Variants in KIF21B observed in about 807,000 individuals in gnomAD.
The protein encoded by KIF21B is kinesin-like protein KIF21B.
A neutral mutation model predicts 192.9 loss-of-function variants in KIF21B; 85 were observed. The observed-to-expected ratio is 0.44, with a 90% CI of 0.37 to 0.53. The LOEUF is 0.53. Ranked by LOEUF, KIF21B falls within the 20% of genes least tolerant of loss-of-function variation. The pLI is 0.00. For missense variants in KIF21B, 1,716 were observed against 2,194.8 expected (o/e 0.78, Z 4.36); for synonymous variants, 832 against 884.6 (o/e 0.94, Z 1.05).
Position 200,996,303 on chromosome 1 carries a change from G to A in KIF21B, c.2170C>T (p.Leu724=), listed in dbSNP as rs762386456. Residue 724 remains leucine, a synonymous_variant, in exon 15 of 35, where the codon CTG becomes TTG. Coordinates refer to ENST00000461742, the MANE Select transcript of KIF21B (RefSeq NM_001252102.2). ...LREMNRDLQK[L]QAAQKEHARL... ...GCGTGCTCTTTCTGGGCGGCCTGCAGCTTCTGCAGGTCCCGGTTCATCTCC... is the reference window on the plus strand; with the variant it reads ...GCGTGCTCTTTCTGGGCGGCCTGCAACTTCTGCAGGTCCCGGTTCATCTCC... The A allele has an allele frequency of 4.3e-6, 7 of 1,614,054 alleles. No homozygotes were observed. Among genetic ancestry groups the A allele is most frequent in the Non-Finnish European group, 5.9e-6 (7 of 1,180,040 alleles).
At chr1:200,992,203 G>T in intron 16 of KIF21B, 79 bp downstream of exon 16, 1 of 1,317,764 alleles carries the variant, frequency 7.6e-7, no homozygotes, top group Non-Finnish European at 1.1e-6. Context: ...CGCTTGGTCA[G>T]GAGGGGCAGC....
intron 9 of KIF21B, chr1:201,001,422 C>G (rs1657492341): frequency 6.5e-6 from 1 of 152,992 alleles, no homozygotes; most frequent in South Asian, 2.1e-4. Flanking sequence ...GAGCCAAGGT[C>G]TTGCTCTGTC....
rs968081385 is a variant in KIF21B at position 200,999,814 on chromosome 1, G to A, written c.1767+69C>T. 1.9e-6 allele frequency: 3 copies of A among 1,553,780 alleles called. No individual in the cohort carries two copies. Among genetic ancestry groups the A allele is most frequent in the Admixed American group, 1.7e-5 (1 of 59,916 alleles). On this transcript the variant is annotated intron_variant, in intron 12 of 34. Coordinates refer to ENST00000461742, the MANE Select transcript of KIF21B (RefSeq NM_001252102.2). The surrounding 1 kb of genome is among the most constrained non-coding windows in gnomAD (Gnocchi z 4.7). Reference sequence around the variant, plus strand: ...TCACTCCATACAAGGATGCGGATGGGGCCCCCGCCAACCCCAGCAGGGACA... The same window carrying A: ...TCACTCCATACAAGGATGCGGATGGAGCCCCCGCCAACCCCAGCAGGGACA...
chr1:200,972,587 T>A lies in KIF21B; in HGVS notation c.*934A>T, dbSNP rs1571902178. The A allele has an allele frequency of 6.6e-6, 1 of 152,592 alleles. No individual in the cohort carries two copies. The highest frequency in any genetic ancestry group is 1.5e-5 in the Non-Finnish European group (1 of 68,080). 9.5% of individuals were successfully genotyped at this position (152,592 alleles called of 1,614,324 possible). ...CTGGTGTAAGGCTGCCCGGCACGGG[T>A]GCCAGGCCCCGGAACGGAGGAAGGC... is the stretch of plus-strand genomic sequence containing the variant. On this transcript the variant is annotated 3_prime_UTR_variant, in exon 35 of 35. Transcript: ENST00000461742.
At chr1:200,974,104 G>A (rs181512005) in intron 34 of KIF21B, 1 of 1,611,850 alleles carries the variant, frequency 6.2e-7, no homozygotes, top group African/African-American at 1.3e-5. Flanking sequence ...GTCAGGGCAG[G>A]GTGGTGGCGC....
Position 201,008,872 on chromosome 1 carries a change from C to T in KIF21B, c.344G>A (p.Arg115Lys), listed in dbSNP as rs1306746485. 2 of 1,611,536 alleles carry T rather than the reference C, an allele frequency of 1.2e-6. No homozygotes were observed. Among genetic ancestry groups the T allele is most frequent in the Non-Finnish European group, 1.7e-6 (2 of 1,179,964 alleles). Reference sequence around the variant, plus strand: ...GCCCCCAAAGAGGTGTGCGATGGCCCTCGGGATGATGCCCTGCTCCTCCTC... The same window carrying T: ...GCCCCCAAAGAGGTGTGCGATGGCCTTCGGGATGATGCCCTGCTCCTCCTC... ...TSEEEQGIIP[R>K]AIAHLFGGIA... The change falls in exon 3 of 35, where the codon AGG becomes AAG. Residue 115 changes from arginine (R) to lysine (K), a missense_variant. Physicochemically the swap from Arg to Lys is conservative, Grantham distance 26. Around this residue, in one of 3 missense-constraint regions of KIF21B, gnomAD observed 1,087 missense variants for 1,316.6 expected, o/e 0.83. Coordinates refer to ENST00000461742, the MANE Select transcript of KIF21B (RefSeq NM_001252102.2).
chr1:200,977,526 C>CCTGGGTCTCACTT, intron 30 of KIF21B, 150 bp from the exon 31 acceptor site: 2 of 956,062 alleles, frequency 2.1e-6, no homozygotes, highest in Non-Finnish European at 3.1e-6. Flanking sequence ...TAGCTTCTCC[C>CCTGGGTCTCACTT]ATAAGTGAGA....
At chr1:201,001,801 A>G (rs566277133) in intron 9 of KIF21B, 8 of 283,438 alleles carry the variant, frequency 2.8e-5, no homozygotes, top group African/African-American at 4.2e-5. Flanking sequence ...ATGTATATGA[A>G]TACATATTCA....
intron 26 of KIF21B, among the ~76,000 whole-genome samples, chr1:200,985,356 T>C (rs570855856): frequency 3.4e-4 from 52 of 152,092 alleles, no homozygotes; most frequent in Middle Eastern, 3.4e-3. Context: ...GGCATGGTGG[T>C]GCATGCCTGT....
At chr1:200,980,165 C>G (rs940858302) in intron 29 of KIF21B, among the ~76,000 whole-genome samples, 2 of 152,218 alleles carry the variant, frequency 1.3e-5, no homozygotes, top group Non-Finnish European at 2.9e-5. Context: ...CCGTGGAGAG[C>G]TATATTTATG....
At chr1:201,004,247 C>T in intron 7 of KIF21B, 93 bp downstream of exon 7, 2 of 1,070,672 alleles carry the variant, frequency 1.9e-6, no homozygotes, top group Non-Finnish European at 2.8e-6. Context: ...CCTCCTCCTC[C>T]TGGGGCAGGC....
chr1:200,979,414 T>C (rs1655767879), intron 30 of KIF21B, 121 bp downstream of exon 30: 1 of 656,420 alleles, frequency 1.5e-6, no homozygotes, highest in Non-Finnish European at 2.4e-6. Flanking sequence ...AGGCTGGTAA[T>C]GGTCTCTGTG....
chr1:200,999,906 T>A lies in KIF21B; in HGVS notation c.1744A>T (p.Thr582Ser). 1 of 1,613,908 alleles carries A rather than the reference T, an allele frequency of 6.2e-7. No individual in the cohort carries two copies. Among genetic ancestry groups the A allele is most frequent in the Non-Finnish European group, 8.5e-7 (1 of 1,180,002 alleles). The change falls in exon 12 of 35, where the codon ACG (threonine) becomes TCG (serine). Residue 582 changes from threonine (T) to serine (S), a missense_variant. Around this residue, in one of 3 missense-constraint regions of KIF21B, gnomAD observed 1,087 missense variants for 1,316.6 expected, o/e 0.83. Transcript: ENST00000461742. This position sits in a 1 kb window ranked among gnomAD's most constrained non-coding sequence, Gnocchi z 4.7. ...AKLQQENSEE[T>S]DENEAEEEEE... Reference sequence around the variant, plus strand: ...ACCTCCTCCGCCTCGTTCTCATCCGTCTCCTCGCTGTTCTCCTGTTGGAGT... The same window carrying A: ...ACCTCCTCCGCCTCGTTCTCATCCGACTCCTCGCTGTTCTCCTGTTGGAGT...
In KIF21B at chr1:201,023,631, G is replaced by C. The variant is rs1349027701; in HGVS notation, c.-248C>G. On this transcript the variant is annotated 5_prime_UTR_variant, in exon 1 of 35. Coordinates refer to ENST00000461742, the MANE Select transcript of KIF21B (RefSeq NM_001252102.2). The surrounding 1 kb of genome is among the most constrained non-coding windows in gnomAD (Gnocchi z 5.9). ...GGCGGCGCGGAGCTAGCTGACAGCCGGCGGCGCGACCCGCCGCTCCCTACG... is the reference window on the plus strand; with the variant it reads ...GGCGGCGCGGAGCTAGCTGACAGCCCGCGGCGCGACCCGCCGCTCCCTACG... The C allele has an allele frequency of 3.3e-5, 5 of 150,558 alleles. No homozygotes were observed. In the South Asian group the frequency reaches 5.6e-4, roughly 17 times the overall value. The allele number at this position is 150,558 out of a possible 1,614,324, so 9.3% of individuals were successfully genotyped here.
chr1:200,988,670 G>A, intron 22 of KIF21B, 96 bp downstream of exon 22: 1 of 1,507,704 alleles, frequency 6.6e-7, no homozygotes, highest in Non-Finnish European at 9.0e-7. Flanking sequence ...TGGGGGTTAG[G>A]GGTGGTTCTG....
At position 200,990,005 on chromosome 1, in the gene KIF21B, G is replaced by A; in HGVS notation, c.3069C>T (p.Ser1023=). Residue 1023 remains serine, a synonymous_variant, in exon 21 of 35, where the codon AGC becomes AGT. Coordinates refer to ENST00000461742, the MANE Select transcript of KIF21B (RefSeq NM_001252102.2). This position sits in a 1 kb window ranked among gnomAD's most constrained non-coding sequence, Gnocchi z 5.4. ...GGCGGGCTTCAGCCAGGGAGCAGGAGCTGATGACCACGGATGTGTCTGTGG... is the reference window on the plus strand; with the variant it reads ...GGCGGGCTTCAGCCAGGGAGCAGGAACTGATGACCACGGATGTGTCTGTGG... The part of the protein sequence containing the change: ...LDSTDTSVVI[S]SCSLAEARLL... The A allele has an allele frequency of 6.2e-7, 1 of 1,614,034 alleles. No individual in the cohort carries two copies. Among genetic ancestry groups the A allele is most frequent in the East Asian group, 2.2e-5 (1 of 44,886 alleles).
At chr1:200,986,715 G>C (rs1265972677) in intron 26 of KIF21B, 129 bp downstream of exon 26, 1 of 779,206 alleles carries the variant, frequency 1.3e-6, no homozygotes, top group Non-Finnish European at 2.1e-6. Context: ...GAACCTGAAT[G>C]GCTCAGTCAA....
rs1558018342 is a variant in KIF21B at position 201,002,123 on chromosome 1, G to A, written c.1402+38C>T. 4.4e-6 allele frequency: 7 copies of A among 1,595,898 alleles called. 1 individual carries two copies. Among genetic ancestry groups the A allele is most frequent in the South Asian group, 1.1e-5 (1 of 90,662 alleles). ...ATGTCGGGGGAGGGAGTCCTAGCCC[G>A]TTGGTGCTCTGACCTGGCCTGGCAC... On this transcript the variant is annotated intron_variant, in intron 9 of 34. Coordinates refer to ENST00000461742, the MANE Select transcript of KIF21B (RefSeq NM_001252102.2).
intron 26 of KIF21B, among the ~76,000 whole-genome samples, chr1:200,986,105 C>A (rs1353451627): frequency 1.3e-5 from 2 of 151,874 alleles, no homozygotes; most frequent in Non-Finnish European, 2.9e-5. Flanking sequence ...CCTCAGCCTC[C>A]CAAAGTGCTA....
Sources: allele counts gnomAD v4.1 joint callset (sites outside exome capture counted in the v4.1 genomes callset), GRCh38; gene constraint gnomAD v4.1.1; regional missense constraint gnomAD v4.1.1; non-coding constraint Gnocchi (gnomAD v3.1); transcripts MANE v1.5; gene names NCBI Gene and HGNC (gene_info 2026-07-23, HGNC 2026-07-21).